STS: variants seen among roughly 807,000 people sequenced by gnomAD.
STS encodes steryl-sulfatase.
STS carries 7 observed loss-of-function variants against 26.8 expected under a neutral mutation model. That is an observed-to-expected ratio of 0.26 (90% confidence interval 0.15 to 0.49). The LOEUF (loss-of-function observed/expected upper bound fraction) is 0.49. Among genes scored for constraint, STS ranks in the 20% least tolerant of loss-of-function variants. The pLI is 0.98. For missense variants in STS, 434 were observed against 465.6 expected, an observed-to-expected ratio of 0.93 and a Z score of 0.63; for synonymous variants, 199 against 189.4, an observed-to-expected ratio of 1.05 and a Z score of -0.42.
At chrX:7,195,518 A>G (rs1379660793) in intron 2 of STS, among the ~76,000 whole-genome samples, 1 of 112,547 alleles carries the variant, frequency 8.9e-6, no homozygotes, top group African/African-American at 3.2e-5. Flanking sequence ...ATTGAGAATA[A>G]CTTTGTTCTA....
Position 7,264,728 on chromosome X carries a change from A to T in STS, c.806+4956A>T, listed in dbSNP as rs184256500. On this transcript the variant is annotated intron_variant, in intron 6 of 10. Transcript: ENST00000674429. ...AGCATTTTAATAAGCTTCTCAAGAC[A>T]TTCTAAACTGGGTGTTTCATAGGAC... 1.4e-4 allele frequency among the ~76,000 whole-genome samples: 16 copies of T among 111,907 alleles called. No homozygotes were observed. The East Asian group carries it at 4.5e-3, about 31-fold the overall frequency.
chrX:7,255,685 G>A (rs1481765036), intron 3 of STS, among the ~76,000 whole-genome samples: 1 of 110,773 alleles, frequency 9.0e-6, no homozygotes, highest in Non-Finnish European at 1.9e-5. Flanking sequence ...ACTTTTTTTT[G>A]TAGGCCACTA....
At chrX:7,163,407 T>C (rs1335198885) in intron 1 of STS, among the ~76,000 whole-genome samples, 2 of 112,714 alleles carry the variant, frequency 1.8e-5, no homozygotes, top group African/African-American at 6.4e-5. Context: ...CAGCTCTTTT[T>C]CCAGCTGGCC....
rs867890110 is a variant in STS, at chrX:7,253,308, C to G, written c.109C>G (p.Pro37Ala). Residue 37 changes from proline to alanine, a missense_variant, in exon 3 of 11, where the codon CCT (proline) becomes GCT (alanine). This residue lies in a region of STS where 229 missense variants were observed against 288.3 expected (regional missense o/e 0.79). Transcript: ENST00000674429. ...GGCTGACGACCTCGGCATTGGAGAT[C>G]CTGGGTGCTATGGGAACAAAACTAT... ...VMADDLGIGD[P>A]GCYGNKTIRT... 1.7e-6 allele frequency: 2 copies of G among 1,211,484 alleles called. No homozygotes were observed. The highest frequency in any genetic ancestry group is 1.1e-6 in the Non-Finnish European group (1 of 895,418).
chrX:7,228,065 G>A (rs1301113147), intron 2 of STS, among the ~76,000 whole-genome samples: 3 of 112,006 alleles, frequency 2.7e-5, no homozygotes, highest in Admixed American at 9.5e-5. Context: ...TTTTAAGGCT[G>A]CATAGTATTC....
At chrX:7,254,852 G>A (rs1171588837) in intron 3 of STS, among the ~76,000 whole-genome samples, 1 of 110,812 alleles carries the variant, frequency 9.0e-6, no homozygotes, top group Non-Finnish European at 1.9e-5. Flanking sequence ...CAAAGTGCTG[G>A]GGTTACAGGC....
chrX:7,192,770 G>A (rs1286766247), intron 2 of STS, among the ~76,000 whole-genome samples: 2 of 111,596 alleles, frequency 1.8e-5, no homozygotes, highest in African/African-American at 6.5e-5. Flanking sequence ...ATGTGTCAGG[G>A]TAGACTTTGC....
At chrX:7,322,538 T>C (rs1172415015) in intron 8 of STS, among the ~76,000 whole-genome samples, 11 of 111,549 alleles carry the variant, frequency 9.9e-5, no homozygotes, top group Non-Finnish European at 2.1e-4. Flanking sequence ...GTAGCTGGGA[T>C]TATAGGCGTG....
At chrX:7,150,099 A>G (rs1932981933) in intron 1 of STS, among the ~76,000 whole-genome samples, 1 of 112,424 alleles carries the variant, frequency 8.9e-6, no homozygotes, top group Admixed American at 9.4e-5. Context: ...TCTCCCTCCC[A>G]GTTTCCTTCC....
chrX:7,190,785 T>TAATA (rs756064280), intron 1 of STS, among the ~76,000 whole-genome samples, 95 bp from the exon 2 acceptor site: 1 of 109,576 alleles, frequency 9.1e-6, no homozygotes, highest in African/African-American at 3.3e-5. Flanking sequence ...AAAATACTAA[T>TAATA]AATAAATAAA....
At chrX:7,260,185 G>C (rs1161000130) in intron 6 of STS, among the ~76,000 whole-genome samples, 3 of 111,986 alleles carry the variant, frequency 2.7e-5, no homozygotes, top group African/African-American at 9.7e-5. Context: ...AGAACTGGTA[G>C]GGTTATTATG....
intron 2 of STS, among the ~76,000 whole-genome samples, chrX:7,198,541 A>C (rs1182658544): frequency 8.9e-6 from 1 of 111,863 alleles, no homozygotes; most frequent in African/African-American, 3.2e-5. Flanking sequence ...TGTCCTACAG[A>C]GGTGGTGTGT....
At position 7,259,408 on chromosome X, in the gene STS, C is replaced by T; in HGVS notation, c.442C>T (p.His148Tyr). 1.7e-6 allele frequency: 2 copies of T among 1,211,358 alleles called. No individual in the cohort carries two copies. Among genetic ancestry groups the T allele is most frequent in the South Asian group, 1.8e-5 (1 of 56,957 alleles). ...SKTDFCHHPL[H>Y]HGFNYFYGIS... ...GACTGACTTCTGTCACCACCCTTTA[C>T]ATCACGGCTTCAATTATTTCTATGG... Residue 148 changes from histidine to tyrosine, a missense_variant, in exon 6 of 11, where the codon CAT (histidine) becomes TAT (tyrosine). Around this residue, in one of 2 missense-constraint regions of STS, gnomAD observed 229 missense variants for 288.3 expected, o/e 0.79. Coordinates refer to ENST00000674429, the MANE Select transcript of STS (RefSeq NM_001320752.2).
At chrX:7,246,403 G>T (rs959996103) in intron 2 of STS, among the ~76,000 whole-genome samples, 1 of 110,102 alleles carries the variant, frequency 9.1e-6, no homozygotes, top group Non-Finnish European at 1.9e-5. Flanking sequence ...CCAGGTTCGC[G>T]CCATTCTCCT....
intron 1 of STS, among the ~76,000 whole-genome samples, chrX:7,178,668 A>G (rs1229776006): frequency 1.8e-5 from 2 of 112,749 alleles, no homozygotes; most frequent in African/African-American, 3.2e-5. Flanking sequence ...GAAAGTGGTT[A>G]ACTAGCTTTC....
At chrX:7,326,962 C>T (rs1283046799) in intron 9 of STS, among the ~76,000 whole-genome samples, 1 of 112,110 alleles carries the variant, frequency 8.9e-6, no homozygotes, top group Non-Finnish European at 1.9e-5. Context: ...GTTGACAGTT[C>T]AACTATTCTC....
chrX:7,261,011 A>G (rs1438537653), intron 6 of STS, among the ~76,000 whole-genome samples: 1 of 110,916 alleles, frequency 9.0e-6, no homozygotes, highest in African/African-American at 3.3e-5. Context: ...GGTATAATAT[A>G]TATCTATATT....
intron 10 of STS, among the ~76,000 whole-genome samples, chrX:7,343,743 C>T (rs1329328518): frequency 8.9e-6 from 1 of 111,937 alleles, no homozygotes; most frequent in Admixed American, 9.4e-5. Flanking sequence ...TCTCTCTTCC[C>T]CGCCTACCGC....
At chrX:7,257,828 T>TTGTG (rs3833414) in intron 5 of STS, among the ~76,000 whole-genome samples, 8 of 108,903 alleles carry the variant, frequency 7.3e-5, no homozygotes, top group Non-Finnish European at 1.5e-4. Context: ...TGTTGTGTGT[T>TTGTG]TGTGTGTGTG....
Sources: gnomAD v4.1 joint callset for allele counts (sites outside exome capture counted in the v4.1 genomes callset) on GRCh38, gnomAD v4.1.1 for gene constraint, gnomAD v4.1.1 regional missense constraint, MANE v1.5 for transcripts, NCBI Gene and HGNC (gene_info 2026-07-23, HGNC 2026-07-21) for gene names.